CEP72: variants seen among roughly 807,000 people sequenced by gnomAD.
CEP72 encodes centrosomal protein of 72 kDa.
A neutral mutation model predicts 65.7 loss-of-function variants in CEP72; 78 were observed. The observed-to-expected ratio is 1.19, with a 90% CI of 0.99 to 1.43. The LOEUF is 1.43. Ranked by LOEUF, CEP72 falls within the 40% of genes most tolerant of loss-of-function variation. The pLI, the probability that CEP72 is intolerant of heterozygous loss-of-function variation, is 0.00. For missense variants in CEP72, 914 were observed against 832.9 expected (o/e 1.10, Z -1.20); for synonymous variants, 358 against 351.7 (o/e 1.02, Z -0.20).
chr5:670,198 G>T, downstream of CEP72, among the ~76,000 whole-genome samples: 1 of 152,166 alleles, frequency 6.6e-6, no homozygotes, highest in Non-Finnish European at 1.5e-5. Context: ...TTCCTCCGGG[G>T]CGGACGTCAC....
At chr5:669,859 C>A (rs1023176552), downstream of CEP72, among the ~76,000 whole-genome samples, 1 of 152,134 alleles carries the variant, frequency 6.6e-6, no homozygotes, top group Non-Finnish European at 1.5e-5. Flanking sequence ...CTGCCTCTTC[C>A]CCAGAGACAC....
chr5:660,470 A>C (rs1393126295), downstream of CEP72: 1 of 152,394 alleles, frequency 6.6e-6, no homozygotes, highest in Non-Finnish European at 1.5e-5. Context: ...AGAGGAGGAA[A>C]GATGCAGGTT....
At chr5:655,354 G>T (rs555334458), downstream of CEP72, 1 of 151,024 alleles carries the variant, frequency 6.6e-6, no homozygotes, top group Non-Finnish European at 1.5e-5. This position sits in a 1 kb window ranked among gnomAD's most constrained non-coding sequence, Gnocchi z 5.0. Flanking sequence ...GCAAGACTCC[G>T]TCTCAAAAAA....
At chr5:660,269 A>G (rs1008257558), downstream of CEP72, 4 of 152,032 alleles carry the variant, frequency 2.6e-5, no homozygotes, top group South Asian at 4.1e-4. Flanking sequence ...AGTACAAACT[A>G]GTAGTTACAC....
chr5:672,426 C>T, the CEP72 span, among the ~76,000 whole-genome samples: 4 of 152,276 alleles, frequency 2.6e-5, no homozygotes, highest in South Asian at 8.3e-4. Context: ...ACACCACACC[C>T]AGCACACAAG....
At chr5:648,238 G>A (rs1561060594) in intron 11 of CEP72, among the ~76,000 whole-genome samples, 2 of 149,604 alleles carry the variant, frequency 1.3e-5, no homozygotes, top group Non-Finnish European at 3.0e-5. Context: ...GTGACCATGG[G>A]GTGTGGGCTG....
chr5:645,372 T>C lies in CEP72; in HGVS notation c.1666+947T>C, dbSNP rs908155. ...TTTATTTATAAATTTTGCTTTTCTATCTTCTGTTTCTTTAAGATACTGTTA... is the reference window on the plus strand; with the variant it reads ...TTTATTTATAAATTTTGCTTTTCTACCTTCTGTTTCTTTAAGATACTGTTA... On this transcript the variant is annotated intron_variant, in intron 10 of 11. Coordinates refer to ENST00000264935, the MANE Select transcript of CEP72 (RefSeq NM_018140.4). The surrounding 1 kb of genome is among the most constrained non-coding windows in gnomAD (Gnocchi z 4.0). Among the ~76,000 whole-genome samples the C allele has an allele frequency of 0.25, 38,340 of 151,782 alleles. 4,981 individuals are homozygous for C. The highest frequency in any genetic ancestry group is 0.43 in the East Asian group (2,204 of 5,156).
At chr5:635,689 T>G in intron 6 of CEP72, 105 bp downstream of exon 6, 1 of 977,304 alleles carries the variant, frequency 1.0e-6, no homozygotes, top group Non-Finnish European at 1.6e-6. Context: ...TTCTGGAGGC[T>G]GGGAAGTCCA....
At position 664,895 on chromosome 5, in the gene CEP72, G is replaced by C; in HGVS notation, n.288-285G>C. Reference sequence around the variant, plus strand: ...GTGTATTAGGAGGGTCAGCGAACTGGGGCCCAAACCTGGTTTGAGAGGGGA... The same window carrying C: ...GTGTATTAGGAGGGTCAGCGAACTGCGGCCCAAACCTGGTTTGAGAGGGGA... On this transcript the variant is annotated intron_variant and non_coding_transcript_variant, in intron 2 of 4. Transcript: ENST00000514507. 1.7e-5 allele frequency: 10 copies of C among 598,622 alleles called. No homozygotes were observed. The South Asian group carries it at 1.8e-4, about 11-fold the overall frequency. The allele number at this position is 598,622 out of a possible 1,614,324, so 37.1% of individuals were successfully genotyped here.
chr5:629,006 C>G (rs918826748), intron 4 of CEP72, among the ~76,000 whole-genome samples: 9 of 151,048 alleles, frequency 6.0e-5, no homozygotes, highest in Non-Finnish European at 1.0e-4. Context: ...GTGCAGCGTT[C>G]TGGAGAACTC....
the CEP72 span, among the ~76,000 whole-genome samples, chr5:674,920 C>T: frequency 3.3e-5 from 5 of 150,056 alleles, no homozygotes; most frequent in East Asian, 2.0e-4. Flanking sequence ...CAGAGTCAGG[C>T]GCCAGTTGCT....
downstream of CEP72, among the ~76,000 whole-genome samples, chr5:658,817 C>G (rs569723943): frequency 2.6e-5 from 4 of 151,470 alleles, no homozygotes; most frequent in Non-Finnish European, 4.4e-5. Context: ...TACAGGCGCC[C>G]GCCACCACGC....
chr5:667,999 C>T (rs570254519), downstream of CEP72, among the ~76,000 whole-genome samples: 1 of 48,232 alleles, frequency 2.1e-5, no homozygotes, highest in Non-Finnish European at 3.3e-5. Context: ...CGTGTGGGCG[C>T]CGTCAGGGAA....
chr5:663,789 A>G (rs1438366142), intron 2 of CEP72: 1 of 152,394 alleles, frequency 6.6e-6, no homozygotes, highest in Non-Finnish European at 1.5e-5. Context: ...CCGCAGGCTC[A>G]TCCGCAGGTA....
intron 3 of CEP72, among the ~76,000 whole-genome samples, chr5:622,929 A>G (rs977477331): frequency 1.3e-5 from 2 of 152,242 alleles, no homozygotes; most frequent in African/African-American, 4.8e-5. Flanking sequence ...ATTCTAGGTA[A>G]TTTTTGGAGT....
chr5:639,389 C>T (rs1260103020), intron 8 of CEP72, among the ~76,000 whole-genome samples, 165 bp downstream of exon 8: 1 of 152,228 alleles, frequency 6.6e-6, no homozygotes, highest in Non-Finnish European at 1.5e-5. Flanking sequence ...GCAGTCTTTG[C>T]ATCTCACAGT....
At position 639,009 on chromosome 5, in the gene CEP72, C is replaced by T; in HGVS notation, c.1207-80C>T. On this transcript the variant is annotated intron_variant, in intron 7 of 11. Transcript: ENST00000264935. ...TCCCCTTCGTGGTGCGAGGGCATCC[C>T]AGGGTGCGCTTGGGCACCTGCTGGC... The T allele has an allele frequency of 1.9e-6, 3 of 1,574,856 alleles. No individual in the cohort carries two copies. The South Asian group carries it at 3.4e-5, about 18-fold the overall frequency.
In CEP72 at chr5:637,837, A is replaced by G; in HGVS notation, c.1206+19A>G. On this transcript the variant is annotated intron_variant, in intron 7 of 11. Coordinates refer to ENST00000264935, the MANE Select transcript of CEP72 (RefSeq NM_018140.4). ...CAGAGAGGTGAGAGAAGGGCTGGGGAGCAGCAGGCCCACGGCACTGCCTCC... is the reference window on the plus strand; with the variant it reads ...CAGAGAGGTGAGAGAAGGGCTGGGGGGCAGCAGGCCCACGGCACTGCCTCC... 1 of 1,512,834 alleles carries G rather than the reference A, an allele frequency of 6.6e-7. No individual in the cohort carries two copies. Among genetic ancestry groups the G allele is most frequent in the Non-Finnish European group, 8.9e-7 (1 of 1,127,702 alleles). 93.7% of individuals were successfully genotyped at this position (1,512,834 alleles called of 1,614,324 possible).
chr5:638,091 T>C (rs1030722593), intron 7 of CEP72, among the ~76,000 whole-genome samples: 6 of 152,190 alleles, frequency 3.9e-5, no homozygotes, highest in African/African-American at 1.4e-4. Flanking sequence ...GGTTCCAGGG[T>C]GCTTGCTGCT....
Sources: gnomAD v4.1 joint callset for allele counts (sites outside exome capture counted in the v4.1 genomes callset) on GRCh38, gnomAD v4.1.1 for gene constraint, Gnocchi (gnomAD v3.1) non-coding constraint, MANE v1.5 for transcripts, NCBI Gene and HGNC (gene_info 2026-07-23, HGNC 2026-07-21) for gene names.